The following STK25 variants were observed in gnomAD, a reference collection of about 807,000 sequenced individuals.
STK25 encodes serine/threonine-protein kinase 25.
In STK25, 29 loss-of-function variants were observed where a neutral mutation model predicts 53.8. The observed-to-expected ratio is 0.54, with a 90% CI of 0.40 to 0.74. STK25 has a LOEUF of 0.74. Among genes scored for constraint, STK25 ranks in the 30% least tolerant of loss-of-function variants. STK25 has a pLI of 0.00. For missense variants in STK25, 420 were observed against 568.0 expected, an observed-to-expected ratio of 0.74 and a Z score of 2.65; for synonymous variants, 247 against 238.3, an observed-to-expected ratio of 1.04 and a Z score of -0.33.
intron 5 of STK25, chr2:241,499,963 G>A: frequency 3.0e-6 from 2 of 666,240 alleles, no homozygotes; most frequent in Non-Finnish European, 5.5e-6. Flanking sequence ...TCAGTCCACA[G>A]CTGGTTTCCT....
At chr2:241,509,223 C>T (rs980343677), upstream of STK25, 2 of 152,504 alleles carry the variant, frequency 1.3e-5, no homozygotes, top group African/African-American at 4.8e-5. Flanking sequence ...GTTTCCTTAC[C>T]TGTCAAGGGG....
At chr2:241,499,759 C>G in intron 5 of STK25, 1 of 475,176 alleles carries the variant, frequency 2.1e-6, no homozygotes, top group South Asian at 2.1e-5. Context: ...CCCCCTGCTC[C>G]ACCAGAATCG....
At position 241,502,688 on chromosome 2, in the gene STK25, G is replaced by A. The variant is rs557206324; in HGVS notation, c.31-980C>T. Among the ~76,000 whole-genome samples the A allele has an allele frequency of 2.6e-4, 39 of 151,642 alleles. 1 individual carries two copies. The South Asian group carries it at 7.7e-3, about 30-fold the overall frequency. ...AGGGAAGCGGAGGTTGCGGTGAGCC[G>A]AGATCGCACCATCGCACTCCAGCCT... is the stretch of plus-strand genomic sequence containing the variant. On this transcript the variant is annotated intron_variant, in intron 2 of 11. Coordinates refer to ENST00000316586, the MANE Select transcript of STK25 (RefSeq NM_001271977.2).
Position 241,493,433 on chromosome 2 carries a change from C to T in STK25, c.*2229G>A. On this transcript the variant is annotated 3_prime_UTR_variant, in exon 12 of 12. Coordinates refer to ENST00000316586, the MANE Select transcript of STK25 (RefSeq NM_001271977.2). ...ACTTCTTCCGGGCTGAGAGCAAGTA[C>T]ACATTTGAAAGGTAATTTTGCAGGA... 3 of 1,613,802 alleles carry T rather than the reference C, an allele frequency of 1.9e-6. No individual in the cohort carries two copies. Among genetic ancestry groups the T allele is most frequent in the Non-Finnish European group, 1.7e-6 (2 of 1,179,976 alleles).
intron 2 of STK25, among the ~76,000 whole-genome samples, chr2:241,503,294 A>G (rs916005978): frequency 2.2e-4 from 33 of 151,688 alleles, no homozygotes; most frequent in Non-Finnish European, 3.7e-4. Flanking sequence ...CGAACTCCTG[A>G]CTTCAGGTGA....
At chr2:241,502,889 G>A (rs895025189) in intron 2 of STK25, among the ~76,000 whole-genome samples, 6 of 152,098 alleles carry the variant, frequency 3.9e-5, no homozygotes, top group South Asian at 2.1e-4. Flanking sequence ...CTACACCAGC[G>A]CGGAGTTAGA....
At chr2:241,500,615 C>T (rs372504343) in intron 4 of STK25, 125 bp downstream of exon 4, 9 of 1,040,484 alleles carry the variant, frequency 8.6e-6, no homozygotes, top group South Asian at 4.1e-5. Flanking sequence ...TTGCTTTAGA[C>T]GATTCCTAAT....
upstream of STK25, chr2:241,509,544 C>G (rs1166174868): frequency 6.6e-6 from 1 of 152,458 alleles, no homozygotes; most frequent in African/African-American, 2.4e-5. Flanking sequence ...GCACAGGTGA[C>G]TATCCTGACC....
chr2:241,504,937 G>C (rs1265550584), intron 2 of STK25, among the ~76,000 whole-genome samples: 1 of 147,784 alleles, frequency 6.8e-6, no homozygotes, highest in Non-Finnish European at 1.5e-5. Context: ...TTTTTTTTGA[G>C]ATAGAGTCTC....
chr2:241,493,175 ACTGG>A lies in STK25; in HGVS notation c.*2483_*2486del. The A allele has an allele frequency of 7.8e-7, 1 of 1,284,346 alleles. No individual in the cohort carries two copies. The highest frequency in any genetic ancestry group is 1.5e-5 in the African/African-American group (1 of 68,262). The allele number at this position is 1,284,346 out of a possible 1,614,324, so 79.6% of individuals were successfully genotyped here. On this transcript the variant is annotated 3_prime_UTR_variant, in exon 12 of 12. Transcript: ENST00000316586. ...CACCCTGTGCTGTGTGAACAGGGAA[ACTGG>A]CTCCCTTGGCCCGTGGGCATTTGTA...
At position 241,498,663 on chromosome 2, in the gene STK25, T is replaced by G. The variant is rs2065324739; in HGVS notation, c.893A>C (p.Glu298Ala). 1 of 1,613,862 alleles carries G rather than the reference T, an allele frequency of 6.2e-7. No individual in the cohort carries two copies. The stretch of plus-strand genomic sequence containing the variant: ...CATGTCAGAGTCCTCAGAGCTGGAC[T>G]CCTCGCCATGCCCCTCTGACTTCCA... ...KRWKSEGHGE[E>A]SSSEDSDIDG... Residue 298 changes from glutamate to alanine, a missense_variant, in exon 8 of 12, where the codon GAG becomes GCG. Physicochemically the swap from Glu to Ala is moderately radical, Grantham distance 107 (BLOSUM62 -1). Coordinates refer to ENST00000316586, the MANE Select transcript of STK25 (RefSeq NM_001271977.2).
Position 241,501,534 on chromosome 2 carries a change from C to G in STK25, c.205G>C (p.Val69Leu). ...EIEDIQQEITVLSQCDSPYIT... is the reference protein window; with the variant it reads ...EIEDIQQEITLLSQCDSPYIT... ...TAGGGGCTGTCGCACTGACTGAGGA[C>G]AGTGATCTCCTGCTGGATGTCCTCG... is the stretch of plus-strand genomic sequence containing the variant. Residue 69 changes from valine (V) to leucine (L), a missense_variant, in exon 3 of 12, where the codon GTC (valine) becomes CTC (leucine). Coordinates refer to ENST00000316586, the MANE Select transcript of STK25 (RefSeq NM_001271977.2). This position sits in a 1 kb window ranked among gnomAD's most constrained non-coding sequence, Gnocchi z 5.3. 5 of 1,614,110 alleles carry G rather than the reference C, an allele frequency of 3.1e-6. No homozygotes were observed. The highest frequency in any genetic ancestry group is 4.2e-6 in the Non-Finnish European group (5 of 1,180,038).
In STK25 at chr2:241,500,806, G is replaced by C. The variant is rs13013693; in HGVS notation, c.262-10C>G. The C allele has an allele frequency of 2.5e-6, 4 of 1,613,060 alleles. No homozygotes were observed. Among genetic ancestry groups the C allele is most frequent in the Non-Finnish European group, 3.4e-6 (4 of 1,179,600 alleles). ...TCCATAGCTTGGTGCTCTGGGACCGGAGACAAACCCATCAGCATTTGGCAG... is the reference window on the plus strand; with the variant it reads ...TCCATAGCTTGGTGCTCTGGGACCGCAGACAAACCCATCAGCATTTGGCAG... On this transcript the variant is annotated splice_polypyrimidine_tract_variant and intron_variant, in intron 3 of 11. Transcript: ENST00000316586.
rs1308694843 is a variant in STK25, at chr2:241,496,456, C to T, written c.1183G>A (p.Glu395Lys). The change falls in exon 11 of 12, where the codon GAG becomes AAG. Residue 395 changes from glutamate to lysine, a missense_variant. Glu to Lys is a moderately conservative substitution (Grantham distance 56). Transcript: ENST00000316586. This position sits in a 1 kb window ranked among gnomAD's most constrained non-coding sequence, Gnocchi z 5.8. ...TTGTCTGAGATGCCGGGGCAGGACT[C>T]CTCGGCCAGGCTGAAGGCGTTCTCC... ...ELENAFSLAEESCPGISDKLM... is the reference protein window; with the variant it reads ...ELENAFSLAEKSCPGISDKLM... The T allele has an allele frequency of 1.2e-6, 2 of 1,613,784 alleles. No individual in the cohort carries two copies. The highest frequency in any genetic ancestry group is 8.5e-7 in the Non-Finnish European group (1 of 1,179,996).
chr2:241,506,409 C>T (rs1039438630), intron 2 of STK25, among the ~76,000 whole-genome samples: 1 of 152,238 alleles, frequency 6.6e-6, no homozygotes, highest in Non-Finnish European at 1.5e-5. Flanking sequence ...CACACAGTTA[C>T]AGGGCACCTC....
At chr2:241,502,341 A>G (rs1395489326) in intron 2 of STK25, among the ~76,000 whole-genome samples, 1 of 152,156 alleles carries the variant, frequency 6.6e-6, no homozygotes, top group African/African-American at 2.4e-5. Context: ...CCCGAACAAC[A>G]TGCCAGCCCC....
At position 241,506,377 on chromosome 2, in the gene STK25, C is replaced by T. The variant is rs535827577; in HGVS notation, c.30+1629G>A. 1.3e-4 allele frequency among the ~76,000 whole-genome samples: 20 copies of T among 152,368 alleles called. No individual in the cohort carries two copies. In the East Asian group the frequency reaches 1.3e-3, roughly 10 times the overall value. On this transcript the variant is annotated intron_variant, in intron 2 of 11. Coordinates refer to ENST00000316586, the MANE Select transcript of STK25 (RefSeq NM_001271977.2). ...GTGCCCGCACTCCCTTCCCTGTGTG[C>T]GATCGCACCAAGAACCAATAGCACA...
intron 9 of STK25, 128 bp from the exon 10 acceptor site, chr2:241,497,815 G>A (rs992187929): frequency 2.2e-6 from 2 of 906,436 alleles, no homozygotes. Context: ...CACATGTCCA[G>A]GGCCGGCCCC....
chr2:241,504,209 C>T (rs1401755543), intron 2 of STK25: 1 of 451,716 alleles, frequency 2.2e-6, no homozygotes, highest in Non-Finnish European at 4.6e-6. Flanking sequence ...GCAGCTAGAG[C>T]AGGCCAGCTG....
Sources: gnomAD v4.1 joint callset for allele counts (sites outside exome capture counted in the v4.1 genomes callset) on GRCh38, gnomAD v4.1.1 for gene constraint, Gnocchi (gnomAD v3.1) non-coding constraint, MANE v1.5 for transcripts, NCBI Gene and HGNC (gene_info 2026-07-23, HGNC 2026-07-21) for gene names.